The following UMODL1 variants were observed in gnomAD, a reference collection of about 807,000 sequenced individuals.
The protein encoded by UMODL1 is uromodulin like 1.
Under a neutral mutation model 136.3 loss-of-function variants are expected in UMODL1, and 128 were observed. The ratio of observed to expected loss-of-function variants is 0.94; its 90% CI spans 0.81 to 1.09. The LOEUF is 1.09. Among genes scored for constraint, UMODL1 ranks in the 50% least tolerant of loss-of-function variants. The pLI is 0.00. For synonymous variants in UMODL1, 721 were observed against 720.0 expected (o/e 1.00, Z -0.02); for missense variants, 1,766 against 1,725.6 (o/e 1.02, Z -0.41).
chr21:42,113,134 C>T (rs192394386), intron 12 of UMODL1: 328 of 160,926 alleles, frequency 2.0e-3, no homozygotes, highest in African/African-American at 7.4e-3. Flanking sequence ...TCAGTATTAC[C>T]GAGGGACCTG....
At chr21:42,086,583 C>T in intron 4 of UMODL1, 1 of 455,584 alleles carries the variant, frequency 2.2e-6, no homozygotes. Flanking sequence ...TGAAGCCACA[C>T]TGCCTGGCCC....
At chr21:42,071,156 C>T (rs963001147), upstream of UMODL1, among the ~76,000 whole-genome samples, 10 of 152,206 alleles carry the variant, frequency 6.6e-5, no homozygotes, top group African/African-American at 2.4e-4. Context: ...CTGCTCCCAG[C>T]GGTGCTTCCT....
intron 2 of UMODL1, among the ~76,000 whole-genome samples, chr21:42,082,330 C>T (rs554211506): frequency 1.1e-4 from 16 of 152,288 alleles, no homozygotes; most frequent in African/African-American, 3.1e-4. Context: ...GCTGCCCTTC[C>T]GCTTGGCCAA....
chr21:42,084,826 A>C (rs1292571536), intron 3 of UMODL1, among the ~76,000 whole-genome samples: 1 of 2,602 alleles, frequency 3.8e-4, no homozygotes, highest in Non-Finnish European at 8.0e-4. Flanking sequence ...ATAATATCAG[A>C]TATTATGATA....
Position 42,090,201 on chromosome 21 carries a change from G to A in UMODL1, c.791-97G>A, listed in dbSNP as rs147895100. Reference sequence around the variant, plus strand: ...CCCTCAACCGACGTGGCACAAATCCGTGGCACGAGTCCACAGAGGCCGTGT... The same window carrying A: ...CCCTCAACCGACGTGGCACAAATCCATGGCACGAGTCCACAGAGGCCGTGT... On this transcript the variant is annotated intron_variant, in intron 5 of 22. Transcript: ENST00000408910. The A allele has an allele frequency of 4.4e-4, 672 of 1,540,826 alleles. 2 individuals are homozygous for A. The African/African-American group carries it at 7.7e-3, about 18-fold the overall frequency.
chr21:42,074,482 G>C (rs528841142), intron 1 of UMODL1, among the ~76,000 whole-genome samples: 1 of 152,196 alleles, frequency 6.6e-6, no homozygotes, highest in East Asian at 1.9e-4. Flanking sequence ...GGCTCCCGGG[G>C]AGATGGGAAG....
chr21:42,114,105 A>C (rs904063490), intron 13 of UMODL1, among the ~76,000 whole-genome samples: 6 of 152,354 alleles, frequency 3.9e-5, no homozygotes, highest in Middle Eastern at 3.4e-3. Flanking sequence ...CGGCTCACCC[A>C]TGTCCTCCGG....
intron 6 of UMODL1, among the ~76,000 whole-genome samples, chr21:42,095,089 G>GGTTTTCTTTTTTTTTTTTT (rs1555922532): frequency 1.6e-5 from 1 of 61,186 alleles, no homozygotes; most frequent in Non-Finnish European, 2.9e-5. Context: ...TTCTTCTGCT[G>GGTTTTCTTTTTTTTTTTTT]TTTTTTTTTT....
Position 42,111,585 on chromosome 21 carries a change from C to T in UMODL1, c.1979C>T (p.Ala660Val). 1 of 1,614,136 alleles carries T rather than the reference C, an allele frequency of 6.2e-7. No individual in the cohort carries two copies. Among genetic ancestry groups the T allele is most frequent in the Non-Finnish European group, 8.5e-7 (1 of 1,180,014 alleles). Reference sequence around the variant, plus strand: ...CCCACCGGCCACTTCCTGTGGCATGCCACCCGTTCCACCCGGGAAACACTT... The same window carrying T: ...CCCACCGGCCACTTCCTGTGGCATGTCACCCGTTCCACCCGGGAAACACTT... ...EDPTGHFLWH[A>V]TRSTRETLLN... is the part of the protein sequence containing the mutation. Residue 660 changes from alanine (A) to valine (V), a missense_variant, in exon 12 of 23, where the codon GCC becomes GTC. By Grantham distance (64) the Ala-to-Val change is moderately conservative. Transcript: ENST00000408910.
intron 2 of UMODL1, among the ~76,000 whole-genome samples, chr21:42,077,463 A>G (rs901663290): frequency 1.1e-4 from 16 of 149,510 alleles, no homozygotes; most frequent in Admixed American, 4.7e-4. Flanking sequence ...GGTCTAGTTA[A>G]AACAATTTTA....
chr21:42,082,008 C>T (rs2839463), intron 2 of UMODL1, among the ~76,000 whole-genome samples: 5,967 of 152,222 alleles, frequency 0.039, 154 homozygotes, highest in Middle Eastern at 0.055. Context: ...GCACGGCCAT[C>T]GGTAGAGCTG....
intron 14 of UMODL1, among the ~76,000 whole-genome samples, chr21:42,116,532 G>T (rs1051356218): frequency 6.6e-5 from 10 of 152,190 alleles, no homozygotes; most frequent in African/African-American, 2.2e-4. Flanking sequence ...TTCCTCTGCT[G>T]CATCCTTACT....
At chr21:42,063,332 C>G (rs114272312) in intron 1 of UMODL1, 11,934 of 152,558 alleles carry the variant, frequency 0.078, 506 homozygotes, top group African/African-American at 0.11. Flanking sequence ...CCTTCACTTT[C>G]ACTTCCTCAT....
intron 17 of UMODL1, among the ~76,000 whole-genome samples, chr21:42,124,939 C>T (rs1025038213): frequency 6.6e-6 from 1 of 152,098 alleles, no homozygotes; most frequent in East Asian, 1.9e-4. Context: ...CCTGGGTGCT[C>T]GGCAGGGTCC....
chr21:42,076,645 T>G (rs1433314062), intron 2 of UMODL1, among the ~76,000 whole-genome samples: 1 of 152,088 alleles, frequency 6.6e-6, no homozygotes, highest in Admixed American at 6.5e-5. Flanking sequence ...TTTTCAAAGC[T>G]CCCAGAGTGA....
chr21:42,116,172 C>CAA (rs56162491), intron 14 of UMODL1, among the ~76,000 whole-genome samples, 187 bp downstream of exon 14: 14,299 of 74,774 alleles, frequency 0.19, 1,372 homozygotes, highest in Middle Eastern at 0.26. Context: ...CCATCTCCAC[C>CAA]AAAAAAAAAA....
chr21:42,085,147 A>C lies in UMODL1; in HGVS notation c.482-144A>C. 1.0e-6 allele frequency: 1 copy of C among 1,000,180 alleles called. No individual in the cohort carries two copies. Among genetic ancestry groups the C allele is most frequent in the Non-Finnish European group, 1.5e-6 (1 of 688,354 alleles). 62.0% of individuals were successfully genotyped at this position (1,000,180 alleles called of 1,614,324 possible). On this transcript the variant is annotated intron_variant, in intron 3 of 22. Transcript: ENST00000408910. The surrounding 1 kb of genome is among the most constrained non-coding windows in gnomAD (Gnocchi z 4.5). Reference sequence around the variant, plus strand: ...GAGGACATCCCCCGTCTCCTGTGGTAGATGTCTTTTTGCAGGGAGGTAAAT... The same window carrying C: ...GAGGACATCCCCCGTCTCCTGTGGTCGATGTCTTTTTGCAGGGAGGTAAAT...
chr21:42,128,105 C>T (rs1047806250), intron 20 of UMODL1: 9 of 561,322 alleles, frequency 1.6e-5, no homozygotes, highest in South Asian at 4.6e-5. Context: ...AACCGGCTGT[C>T]GCGTCAGCAC....
intron 21 of UMODL1, among the ~76,000 whole-genome samples, chr21:42,134,951 A>G (rs895912340): frequency 2.0e-5 from 3 of 152,050 alleles, no homozygotes; most frequent in Admixed American, 1.3e-4. Flanking sequence ...AAGTTCTGGG[A>G]TACATGTGCA....
Sources: gnomAD v4.1 joint callset for allele counts (sites outside exome capture counted in the v4.1 genomes callset) on GRCh38, gnomAD v4.1.1 for gene constraint, Gnocchi (gnomAD v3.1) non-coding constraint, MANE v1.5 for transcripts, NCBI Gene and HGNC (gene_info 2026-07-23, HGNC 2026-07-21) for gene names.